The following ATXN10 variants were observed in gnomAD, a reference collection of about 807,000 sequenced individuals.
The protein encoded by ATXN10 is ataxin 10.
A neutral mutation model predicts 52.9 loss-of-function variants in ATXN10; 28 were observed. That is an observed-to-expected ratio of 0.53 (90% CI 0.39 to 0.73). The LOEUF is 0.73. ATXN10 is among the 30% of genes least tolerant of loss of function. The probability of loss-of-function intolerance (pLI) is 0.00; values close to 1 mark genes in which losing one functional copy is unlikely to be tolerated. For missense variants in ATXN10, 565 were observed against 577.0 expected (o/e 0.98, Z 0.21); for synonymous variants, 226 against 221.5 (o/e 1.02, Z -0.18).
At chr22:45,687,464 A>AATT (rs1036281814) in intron 1 of ATXN10, among the ~76,000 whole-genome samples, 17 of 152,244 alleles carry the variant, frequency 1.1e-4, no homozygotes, top group Non-Finnish European at 2.5e-4. Flanking sequence ...GGTGAAAGAA[A>AATT]TAATTCTCGC....
In ATXN10 at chr22:45,705,919, A is replaced by G. The variant is rs994520179; in HGVS notation, c.647+3072A>G. ...AGCACAAGATAAGCAGCAGGCAAGCAAGCATTCCTGCCTGAGCGCCACTTC... is the reference window on the plus strand; with the variant it reads ...AGCACAAGATAAGCAGCAGGCAAGCGAGCATTCCTGCCTGAGCGCCACTTC... On this transcript the variant is annotated intron_variant, in intron 5 of 11. Coordinates refer to ENST00000252934, the MANE Select transcript of ATXN10 (RefSeq NM_013236.4). This position sits in a 1 kb window ranked among gnomAD's most constrained non-coding sequence, Gnocchi z 5.2. Among the ~76,000 whole-genome samples the G allele has an allele frequency of 6.6e-6, 1 of 152,156 alleles. No homozygotes were observed. Among genetic ancestry groups the G allele is most frequent in the Admixed American group, 6.5e-5 (1 of 15,274 alleles).
intron 9 of ATXN10, among the ~76,000 whole-genome samples, chr22:45,755,292 G>A (rs1178797443): frequency 1.3e-5 from 2 of 152,140 alleles, no homozygotes; most frequent in Non-Finnish European, 2.9e-5. Context: ...ATTTCCTTTA[G>A]TTCAGATCTA....
intron 9 of ATXN10, among the ~76,000 whole-genome samples, chr22:45,800,835 A>T (rs1927907803): frequency 6.6e-6 from 1 of 152,238 alleles, no homozygotes; most frequent in South Asian, 2.1e-4. Flanking sequence ...GTGTTATAGA[A>T]CGGACAAAAT....
Position 45,841,059 on chromosome 22 carries a change from GCTCGTTA to G in ATXN10, c.1238-1931_1238-1925del, listed in dbSNP as rs572416215. Among the ~76,000 whole-genome samples, 146 of 152,252 alleles carry G rather than the reference GCTCGTTA, an allele frequency of 9.6e-4. No individual in the cohort carries two copies. The highest frequency in any genetic ancestry group is 3.3e-3 in the African/African-American group (136 of 41,536). On this transcript the variant is annotated intron_variant, in intron 10 of 11. Transcript: ENST00000252934. The surrounding 1 kb of genome is among the most constrained non-coding windows in gnomAD (Gnocchi z 5.1). Reference sequence around the variant, plus strand: ...TATGTTGGAAGTGCTTGATACCGGGGCTCGTTATCTTTATTCTCTATACTGGCACAAA... The same window carrying G: ...TATGTTGGAAGTGCTTGATACCGGGGTCTTTATTCTCTATACTGGCACAAA...
chr22:45,689,633 TA>T, intron 1 of ATXN10, 78 bp from the exon 2 acceptor site: 1 of 1,314,794 alleles, frequency 7.6e-7, no homozygotes. Flanking sequence ...CAATAGTAGA[TA>T]AAAGCAGTTT....
intron 5 of ATXN10, among the ~76,000 whole-genome samples, chr22:45,707,568 C>T (rs60085320): frequency 0.083 from 12,541 of 150,682 alleles, 653 homozygotes; most frequent in Middle Eastern, 0.15. Context: ...TAATCATCTG[C>T]AGTTTTTTTT....
chr22:45,727,315 G>A lies in ATXN10; in HGVS notation c.729-2110G>A, dbSNP rs1212752184. Among the ~76,000 whole-genome samples the A allele has an allele frequency of 1.4e-5, 2 of 143,660 alleles. No individual in the cohort carries two copies. The highest frequency in any genetic ancestry group is 2.6e-5 in the African/African-American group (1 of 37,934). The allele number at this position is 143,660 out of a possible 152,430, so 94.2% of individuals were successfully genotyped here. The stretch of plus-strand genomic sequence containing the variant: ...GAAGATACTTGATATAGTTCTGTCT[G>A]TCTGTCTATCTATCTATATCTATCT... On this transcript the variant is annotated intron_variant, in intron 6 of 11. Transcript: ENST00000252934. The surrounding 1 kb of genome is among the most constrained non-coding windows in gnomAD (Gnocchi z 4.6).
Position 45,727,690 on chromosome 22 carries a change from T to C in ATXN10, c.729-1735T>C, listed in dbSNP as rs1045623062. ...TATTTTGATTTTTAAAAAAATAAAT[T>C]GAGACTTGCTTTGTGGCCTGCCATG... On this transcript the variant is annotated intron_variant, in intron 6 of 11. Coordinates refer to ENST00000252934, the MANE Select transcript of ATXN10 (RefSeq NM_013236.4). The surrounding 1 kb of genome is among the most constrained non-coding windows in gnomAD (Gnocchi z 4.6). 6.6e-6 allele frequency among the ~76,000 whole-genome samples: 1 copy of C among 152,130 alleles called. No homozygotes were observed. Among genetic ancestry groups the C allele is most frequent in the African/African-American group, 2.4e-5 (1 of 41,430 alleles).
rs1412097160 is a variant in ATXN10 at position 45,705,695 on chromosome 22, A to C, written c.647+2848A>C. ...ATGAGCCACCTGCCTCAGCCTCCCA[A>C]AGTGCTGGGATTACAGGCGTGAGCC... is the stretch of plus-strand genomic sequence containing the variant. On this transcript the variant is annotated intron_variant, in intron 5 of 11. Transcript: ENST00000252934. The surrounding 1 kb of genome is among the most constrained non-coding windows in gnomAD (Gnocchi z 5.2). 1.3e-5 allele frequency among the ~76,000 whole-genome samples: 2 copies of C among 151,976 alleles called. No homozygotes were observed. The highest frequency in any genetic ancestry group is 4.8e-5 in the African/African-American group (2 of 41,370).
At position 45,843,519 on chromosome 22, in the gene ATXN10, C is replaced by T; in HGVS notation, c.1426-150C>T. 1 of 752,756 alleles carries T rather than the reference C, an allele frequency of 1.3e-6. No homozygotes were observed. 46.6% of individuals were successfully genotyped at this position (752,756 alleles called of 1,614,324 possible). ...GTTCACTATAGTTTAAAAAACAGAA[C>T]TCCTTGAATAATATTGCATGAATTG... On this transcript the variant is annotated intron_variant, in intron 11 of 11. Coordinates refer to ENST00000252934, the MANE Select transcript of ATXN10 (RefSeq NM_013236.4). The surrounding 1 kb of genome is among the most constrained non-coding windows in gnomAD (Gnocchi z 4.5).
At chr22:45,756,900 A>C (rs1180664442) in intron 9 of ATXN10, among the ~76,000 whole-genome samples, 2 of 152,230 alleles carry the variant, frequency 1.3e-5, no homozygotes, top group African/African-American at 4.8e-5. Context: ...CTTTAAATGA[A>C]ATCATTTCCA....
chr22:45,802,056 T>TA (rs1182965243), intron 9 of ATXN10, among the ~76,000 whole-genome samples: 1 of 152,224 alleles, frequency 6.6e-6, no homozygotes, highest in Non-Finnish European at 1.5e-5. Context: ...GTTGGGCCTG[T>TA]ACCCTTAGCG....
In ATXN10 at chr22:45,732,563, C is replaced by T. The variant is rs1211933320; in HGVS notation, c.894+2973C>T. On this transcript the variant is annotated intron_variant, in intron 7 of 11. Transcript: ENST00000252934. This position sits in a 1 kb window ranked among gnomAD's most constrained non-coding sequence, Gnocchi z 4.5. Reference sequence around the variant, plus strand: ...TTTATGACTTGTGCGTATTAATGCACATATGTCATACTTTTTTTTTTTTTT... The same window carrying T: ...TTTATGACTTGTGCGTATTAATGCATATATGTCATACTTTTTTTTTTTTTT... 1.3e-5 allele frequency among the ~76,000 whole-genome samples: 2 copies of T among 151,342 alleles called. No individual in the cohort carries two copies. The highest frequency in any genetic ancestry group is 2.9e-5 in the Non-Finnish European group (2 of 67,928).
chr22:45,794,038 CTAGGAAAAGGGTGGCAACTCT>C (rs946939473), intron 9 of ATXN10, among the ~76,000 whole-genome samples: 2 of 152,174 alleles, frequency 1.3e-5, no homozygotes, highest in African/African-American at 4.8e-5. Context: ...GCAGAAATTT[CTAGGAAAAGGGTGGCAACTCT>C]TAAGTCATCA....
intron 3 of ATXN10, among the ~76,000 whole-genome samples, chr22:45,698,940 T>A (rs1023082847): frequency 4.6e-5 from 7 of 152,216 alleles, no homozygotes; most frequent in Non-Finnish European, 8.8e-5. Context: ...TTATTCTAGG[T>A]AGATTTTTTA....
chr22:45,717,325 C>T (rs1420670352), intron 5 of ATXN10, among the ~76,000 whole-genome samples: 1 of 152,102 alleles, frequency 6.6e-6, no homozygotes, highest in Non-Finnish European at 1.5e-5. Context: ...GGCAATATGG[C>T]TTGTGACTTG....
chr22:45,772,974 A>G lies in ATXN10; in HGVS notation c.1173+32436A>G, dbSNP rs544492470. Among the ~76,000 whole-genome samples, 17 of 152,356 alleles carry G rather than the reference A, an allele frequency of 1.1e-4. No homozygotes were observed. Among genetic ancestry groups the G allele is most frequent in the African/African-American group, 4.1e-4 (17 of 41,586 alleles). On this transcript the variant is annotated intron_variant, in intron 9 of 11. Coordinates refer to ENST00000252934, the MANE Select transcript of ATXN10 (RefSeq NM_013236.4). This position sits in a 1 kb window ranked among gnomAD's most constrained non-coding sequence, Gnocchi z 4.1. ...CCTAATACATGTAAATGCTGTGTGC[A>G]TAGTTGCTATACTGTATTTTTAAAG...
At chr22:45,779,637 C>G (rs371947035) in intron 9 of ATXN10, among the ~76,000 whole-genome samples, 8 of 152,296 alleles carry the variant, frequency 5.3e-5, no homozygotes, top group African/African-American at 1.7e-4. Context: ...CTCTAATGCT[C>G]TTCCTTTGGT....
intron 8 of ATXN10, among the ~76,000 whole-genome samples, chr22:45,739,268 C>T (rs1925418722): frequency 1.3e-5 from 2 of 152,110 alleles, no homozygotes; most frequent in Non-Finnish European, 2.9e-5. Context: ...ATTATATATA[C>T]AAATCTTATG....
Sources: allele counts gnomAD v4.1 joint callset (sites outside exome capture counted in the v4.1 genomes callset), GRCh38; gene constraint gnomAD v4.1.1; non-coding constraint Gnocchi (gnomAD v3.1); transcripts MANE v1.5; gene names NCBI Gene and HGNC (gene_info 2026-07-23, HGNC 2026-07-21).